UNC5B: variants seen among roughly 807,000 people sequenced by gnomAD.
UNC5B encodes unc-5 netrin receptor B, also known as netrin receptor UNC5B.
A neutral mutation model predicts 103.7 loss-of-function variants in UNC5B; 56 were observed. The ratio of observed to expected loss-of-function variants is 0.54; its 90% CI spans 0.44 to 0.67. The LOEUF (loss-of-function observed/expected upper bound fraction) is 0.67. Among genes scored for constraint, UNC5B ranks in the 30% least tolerant of loss-of-function variants. The pLI is 0.00. For synonymous variants in UNC5B, 577 were observed against 542.0 expected, an observed-to-expected ratio of 1.06 and a Z score of -0.90; for missense variants, 1,194 against 1,284.5, an observed-to-expected ratio of 0.93 and a Z score of 1.08.
At chr10:71,248,863 TCTCTCACACACA>T (rs1342723036) in intron 1 of UNC5B, among the ~76,000 whole-genome samples, 435 of 30,770 alleles carry the variant, frequency 0.014, 14 homozygotes, top group East Asian at 0.094. Flanking sequence ...TCTCTCTCTC[TCTCTCACACACA>T]CACACACACA....
chr10:71,250,024 G>T (rs111499938), intron 1 of UNC5B, among the ~76,000 whole-genome samples: 1 of 152,228 alleles, frequency 6.6e-6, no homozygotes, highest in African/African-American at 2.4e-5. Flanking sequence ...GGCCACAGGT[G>T]CCCATCTCTG....
intron 1 of UNC5B, among the ~76,000 whole-genome samples, chr10:71,262,081 C>T (rs914426177): frequency 6.6e-6 from 1 of 152,080 alleles, no homozygotes; most frequent in South Asian, 2.1e-4. Context: ...CTCCCGAGAC[C>T]GCAGCCCCAG....
rs776114069 is a variant in UNC5B at position 71,286,730 on chromosome 10, G to A, written c.594G>A (p.Gln198=). ...LKNEDVIDPT[Q]DTNFLLTIDH... ...ATGAGGATGTCATCGACCCCACCCA[G>A]GACACCAACTTCCTGCTCACCATCG... Residue 198 remains glutamine (Q), a synonymous_variant, in exon 5 of 17, where the codon CAG becomes CAA. Transcript: ENST00000335350. The A allele has an allele frequency of 1.4e-5, 23 of 1,614,086 alleles. No homozygotes were observed. The highest frequency in any genetic ancestry group is 1.2e-4 in the Admixed American group (7 of 60,004).
At chr10:71,286,940 G>T (rs555796396) in intron 5 of UNC5B, 71 bp downstream of exon 5, 3 of 1,566,520 alleles carry the variant, frequency 1.9e-6, no homozygotes, top group Middle Eastern at 1.8e-4. Flanking sequence ...GGGTAGGGGG[G>T]ACCCCTGGAT....
intron 14 of UNC5B, 58 bp downstream of exon 14, chr10:71,296,018 C>T: frequency 6.2e-7 from 1 of 1,608,032 alleles, no homozygotes; most frequent in Non-Finnish European, 8.5e-7. Context: ...CCGGGAAGCC[C>T]AGCTCCCTCC....
In UNC5B at chr10:71,293,713, T is replaced by G. The variant is rs911039980; in HGVS notation, c.1955T>G (p.Leu652Arg). The G allele has an allele frequency of 3.8e-6, 6 of 1,590,398 alleles. No individual in the cohort carries two copies. Among genetic ancestry groups the G allele is most frequent in the Non-Finnish European group, 5.1e-6 (6 of 1,168,080 alleles). ...HQGHWEEVVT[L>R]DEETLNTPCY... is the part of the protein sequence containing the mutation. ...TGTCCCCTACAGGAGGTGGTGACCC[T>G]GGATGAGGAGACCCTGAACACACCC... Residue 652 changes from leucine (L) to arginine (R), a missense_variant, in exon 13 of 17, where the codon CTG becomes CGG. Leu to Arg is a moderately radical substitution (Grantham distance 102, BLOSUM62 -2). Transcript: ENST00000335350.
At chr10:71,218,611 G>T (rs1843386822) in intron 1 of UNC5B, among the ~76,000 whole-genome samples, 1 of 152,234 alleles carries the variant, frequency 6.6e-6, no homozygotes, top group Non-Finnish European at 1.5e-5. Flanking sequence ...GGGGGAGGAA[G>T]GTTGGCAGAG....
At chr10:71,267,575 G>T (rs1589178505) in intron 1 of UNC5B, among the ~76,000 whole-genome samples, 1 of 152,182 alleles carries the variant, frequency 6.6e-6, no homozygotes, top group East Asian at 1.9e-4. Context: ...TTGAAAATTT[G>T]CTGTGAGCTT....
At chr10:71,264,824 T>C (rs1415614940) in intron 1 of UNC5B, among the ~76,000 whole-genome samples, 2 of 152,068 alleles carry the variant, frequency 1.3e-5, no homozygotes, top group African/African-American at 4.8e-5. Flanking sequence ...TGAGTACCAC[T>C]GGCACCAAGG....
At chr10:71,271,835 T>C (rs892483186) in intron 1 of UNC5B, among the ~76,000 whole-genome samples, 3 of 151,984 alleles carry the variant, frequency 2.0e-5, no homozygotes, top group African/African-American at 7.3e-5. Context: ...GCAGAGGAAG[T>C]GATGTCAGGG....
intron 1 of UNC5B, among the ~76,000 whole-genome samples, chr10:71,218,994 G>A (rs908800173): frequency 2.6e-5 from 4 of 152,136 alleles, no homozygotes; most frequent in Admixed American, 2.0e-4. Context: ...TCACAGAAGC[G>A]CTTACCTGCT....
intron 1 of UNC5B, among the ~76,000 whole-genome samples, chr10:71,238,969 A>C (rs964779931): frequency 6.6e-5 from 10 of 152,030 alleles, no homozygotes; most frequent in Admixed American, 2.0e-4. Context: ...TAGACGAGGG[A>C]GTTAAGGCTT....
At chr10:71,285,240 AC>A in intron 3 of UNC5B, 85 bp from the exon 4 acceptor site, 1 of 1,343,776 alleles carries the variant, frequency 7.4e-7, no homozygotes, top group Non-Finnish European at 1.0e-6. Context: ...CTGGGTCTGC[AC>A]TGCCACCCAG....
chr10:71,299,041 C>A, intron 16 of UNC5B, 71 bp from the exon 17 acceptor site: 12 of 1,581,104 alleles, frequency 7.6e-6, no homozygotes, highest in Non-Finnish European at 1.0e-5. Context: ...TCCCCTTGTG[C>A]CCCTTCACCT....
intron 1 of UNC5B, among the ~76,000 whole-genome samples, chr10:71,219,959 G>T (rs548744562): frequency 6.6e-6 from 1 of 152,214 alleles, no homozygotes; most frequent in East Asian, 1.9e-4. Flanking sequence ...AGCTAGCTGG[G>T]TATGTGGGCA....
intron 1 of UNC5B, among the ~76,000 whole-genome samples, chr10:71,275,877 T>C (rs1844759424): frequency 6.6e-6 from 1 of 151,694 alleles, no homozygotes; most frequent in Admixed American, 6.6e-5. Flanking sequence ...ATCATATCAC[T>C]CTGTTTTCCT....
chr10:71,296,701 G>A lies in UNC5B; in HGVS notation c.2449G>A (p.Gly817Arg), dbSNP rs374078726. The change falls in exon 15 of 17, where the codon GGG (glycine) becomes AGG (arginine). Residue 817 changes from glycine (G) to arginine (R), a missense_variant. Transcript: ENST00000335350. Reference sequence around the variant, plus strand: ...CAAGATCTGCGTGCGGCAAGTGGAAGGGGAGGGCCAGATATTCCAGCTGCA... The same window carrying A: ...CAAGATCTGCGTGCGGCAAGTGGAAAGGGAGGGCCAGATATTCCAGCTGCA... Reference protein sequence around the residue: ...TCKICVRQVEGEGQIFQLHTT... With the variant: ...TCKICVRQVEREGQIFQLHTT... The A allele has an allele frequency of 4.9e-5, 78 of 1,605,084 alleles. No individual in the cohort carries two copies. Among genetic ancestry groups the A allele is most frequent in the Non-Finnish European group, 6.3e-5 (74 of 1,174,688 alleles).
intron 4 of UNC5B, among the ~76,000 whole-genome samples, chr10:71,286,242 G>T (rs1487660065): frequency 6.6e-6 from 1 of 152,178 alleles, no homozygotes; most frequent in Non-Finnish European, 1.5e-5. Flanking sequence ...ACCCAGGTCT[G>T]CCAGACCCGG....
chr10:71,248,853 T>C, intron 1 of UNC5B, among the ~76,000 whole-genome samples: 1 of 32,884 alleles, frequency 3.0e-5, no homozygotes, highest in Non-Finnish European at 9.2e-5. Context: ...TCTCTGTCTC[T>C]CTCTCTCTCT....
Sources: gnomAD v4.1 joint callset for allele counts (sites outside exome capture counted in the v4.1 genomes callset) on GRCh38, gnomAD v4.1.1 for gene constraint, MANE v1.5 for transcripts, NCBI Gene and HGNC (gene_info 2026-07-23, HGNC 2026-07-21) for gene names.